Variants in PRKAA1 observed in about 807,000 individuals in gnomAD.
The protein encoded by PRKAA1 is 5'-AMP-activated protein kinase catalytic subunit alpha-1.
PRKAA1 carries 23 observed loss-of-function variants against 56.9 expected under a neutral mutation model. That is an observed-to-expected ratio of 0.40 (90% CI 0.29 to 0.57). The LOEUF (loss-of-function observed/expected upper bound fraction) is 0.57. Ranked by LOEUF, PRKAA1 falls within the 20% of genes least tolerant of loss-of-function variation. The pLI is 0.39. For missense variants in PRKAA1, 413 were observed against 679.7 expected (o/e 0.61, Z 4.36); for synonymous variants, 226 against 227.0 (o/e 1.00, Z 0.04).
At chr5:40,796,076 G>T (rs549486077) in intron 1 of PRKAA1, among the ~76,000 whole-genome samples, 35 of 152,300 alleles carry the variant, frequency 2.3e-4, no homozygotes, top group African/African-American at 8.4e-4. Context: ...CAGCACTTTG[G>T]GAGGCTGAGG....
At chr5:40,764,489 ATGT>A (rs1743329469) in intron 8 of PRKAA1, 22 bp downstream of exon 8, 5 of 1,596,036 alleles carry the variant, frequency 3.1e-6, no homozygotes, top group Middle Eastern at 2.2e-4. Flanking sequence ...GGTCTAATCT[ATGT>A]TGTTTTGTGT....
At chr5:40,776,707 C>A (rs1468126406) in intron 2 of PRKAA1, among the ~76,000 whole-genome samples, 1 of 152,150 alleles carries the variant, frequency 6.6e-6, no homozygotes, top group Non-Finnish European at 1.5e-5. Flanking sequence ...CCTTTTGAAA[C>A]CTTGGATTCC....
intron 1 of PRKAA1, among the ~76,000 whole-genome samples, chr5:40,786,254 CA>C (rs35972942): frequency 0.36 from 43,897 of 123,620 alleles, 6,640 homozygotes; most frequent in East Asian, 0.58. Context: ...GACTCCGTCT[CA>C]AAAAAAAAAA....
chr5:40,787,641 TATAAG>T (rs1744550121), intron 1 of PRKAA1, among the ~76,000 whole-genome samples: 1 of 151,950 alleles, frequency 6.6e-6, no homozygotes, highest in African/African-American at 2.4e-5. Flanking sequence ...ATATACCAGT[TATAAG>T]ATGTTTTGTG....
At chr5:40,772,731 G>A (rs1743807581) in intron 3 of PRKAA1, among the ~76,000 whole-genome samples, 1 of 151,936 alleles carries the variant, frequency 6.6e-6, no homozygotes, top group Admixed American at 6.6e-5. Flanking sequence ...CTTCCCTGGG[G>A]TCCCGCAATC....
At chr5:40,797,886 T>G in intron 1 of PRKAA1, among the ~76,000 whole-genome samples, 177 bp downstream of exon 1, 1 of 146,758 alleles carries the variant, frequency 6.8e-6, no homozygotes, top group African/African-American at 2.5e-5. Flanking sequence ...ACCCGGCCTG[T>G]GCTGGCCGCG....
At chr5:40,763,605 T>G (rs1315510142) in intron 8 of PRKAA1, among the ~76,000 whole-genome samples, 1 of 152,116 alleles carries the variant, frequency 6.6e-6, no homozygotes, top group Non-Finnish European at 1.5e-5. Flanking sequence ...GAAGAAAAAC[T>G]AAGGTTGGGA....
At chr5:40,776,680 A>AACAGTTTT (rs1744018214) in intron 2 of PRKAA1, among the ~76,000 whole-genome samples, 1 of 152,264 alleles carries the variant, frequency 6.6e-6, no homozygotes. Context: ...ACTGTAAAAC[A>AACAGTTTT]ACAGTAAGAT....
At chr5:40,784,577 G>A (rs185163928) in intron 1 of PRKAA1, among the ~76,000 whole-genome samples, 358 of 152,294 alleles carry the variant, frequency 2.4e-3, no homozygotes, top group Admixed American at 5.4e-3. Flanking sequence ...AGCTTAATTT[G>A]ATGTGAGTTT....
chr5:40,775,965 C>A (rs956477081), intron 2 of PRKAA1, among the ~76,000 whole-genome samples: 5 of 152,086 alleles, frequency 3.3e-5, no homozygotes, highest in African/African-American at 1.2e-4. Context: ...TAACTGCAGG[C>A]CAGAAGACAC....
At chr5:40,795,671 G>A (rs1452984290) in intron 1 of PRKAA1, among the ~76,000 whole-genome samples, 1 of 152,180 alleles carries the variant, frequency 6.6e-6, no homozygotes, top group Non-Finnish European at 1.5e-5. Flanking sequence ...ACTAGGCAAA[G>A]CTAGATTTTC....
At chr5:40,765,683 T>C (rs888965744) in intron 6 of PRKAA1, among the ~76,000 whole-genome samples, 17 of 152,070 alleles carry the variant, frequency 1.1e-4, no homozygotes, top group Non-Finnish European at 2.4e-4. Context: ...ATATACACTA[T>C]CTCCCCTCAT....
rs1743261794 is a variant in PRKAA1, at chr5:40,762,978, A to G, written c.1480T>C (p.Ser494Pro). 1 of 1,613,950 alleles carries G rather than the reference A, an allele frequency of 6.2e-7. No homozygotes were observed. Among genetic ancestry groups the G allele is most frequent in the Admixed American group, 1.7e-5 (1 of 59,992 alleles). The change falls in exon 9 of 9, where the codon TCG becomes CCG. Residue 494 changes from serine (S) to proline (P), a missense_variant. Ser to Pro is a moderately conservative substitution (Grantham distance 74, BLOSUM62 -1). Coordinates refer to ENST00000397128, the MANE Select transcript of PRKAA1 (RefSeq NM_006251.6). ...AKSGTATPQR[S>P]GSVSNYRSCQ... is the part of the protein sequence containing the mutation. ...GATCGATAGTTGCTAACTGATCCCG[A>G]TCTCTGTGGAGTAGCAGTCCCTGAT... is the stretch of plus-strand genomic sequence containing the variant.
At chr5:40,796,453 T>G (rs1161861399) in intron 1 of PRKAA1, among the ~76,000 whole-genome samples, 2 of 152,216 alleles carry the variant, frequency 1.3e-5, no homozygotes, top group African/African-American at 2.4e-5. Flanking sequence ...TGAACATTTT[T>G]TTTTTTACAA....
chr5:40,787,669 T>A (rs1744551030), intron 1 of PRKAA1, among the ~76,000 whole-genome samples: 1 of 150,714 alleles, frequency 6.6e-6, no homozygotes, highest in African/African-American at 2.4e-5. Flanking sequence ...AGCCACAGGG[T>A]AACTACAAAG....
chr5:40,798,286 A>G lies in PRKAA1; in HGVS notation c.-97T>C. 1 of 708,376 alleles carries G rather than the reference A, an allele frequency of 1.4e-6. No individual in the cohort carries two copies. Among genetic ancestry groups the G allele is most frequent in the Non-Finnish European group, 2.0e-6 (1 of 502,578 alleles). 43.9% of individuals were successfully genotyped at this position (708,376 alleles called of 1,614,324 possible). A position where few individuals can be genotyped will look rare whatever the true frequency, so the allele number is the denominator to read the frequency against. On this transcript the variant is annotated 5_prime_UTR_variant, in exon 1 of 9. Transcript: ENST00000397128. Reference sequence around the variant, plus strand: ...GGGAGGGCAGCCACCGAGCCGAGTCACCGCCCTGCGCCGCCAGCCCAGGCC... The same window carrying G: ...GGGAGGGCAGCCACCGAGCCGAGTCGCCGCCCTGCGCCGCCAGCCCAGGCC...
At chr5:40,768,683 T>A in intron 5 of PRKAA1, 8 of 1,262,342 alleles carry the variant, frequency 6.3e-6, no homozygotes, top group Non-Finnish European at 8.0e-6. Flanking sequence ...ATTGAGTTAA[T>A]CAAGATGCAA....
intron 2 of PRKAA1, 86 bp downstream of exon 2, chr5:40,777,359 G>GTCATTT: frequency 7.1e-7 from 1 of 1,408,196 alleles, no homozygotes; most frequent in Non-Finnish European, 9.7e-7. Flanking sequence ...AGAAGTGTCA[G>GTCATTT]TCATTTTTCT....
chr5:40,778,222 CT>C (rs1173824776), intron 1 of PRKAA1, among the ~76,000 whole-genome samples: 1 of 152,198 alleles, frequency 6.6e-6, no homozygotes, highest in Non-Finnish European at 1.5e-5. Context: ...GCACTCCAGT[CT>C]GGGGTGATGA....
Sources: gnomAD v4.1 joint callset for allele counts (sites outside exome capture counted in the v4.1 genomes callset) on GRCh38, gnomAD v4.1.1 for gene constraint, MANE v1.5 for transcripts, NCBI Gene and HGNC (gene_info 2026-07-23, HGNC 2026-07-21) for gene names.